Variants in NECAB3 observed in about 807,000 individuals in gnomAD.
NECAB3 encodes the protein N-terminal EF-hand calcium-binding protein 3.
Under a neutral mutation model 57.2 loss-of-function variants are expected in NECAB3, and 38 were observed. That is an observed-to-expected ratio of 0.66 (90% CI 0.51 to 0.87). The LOEUF is 0.87. NECAB3 is among the 40% of genes least tolerant of loss of function. The probability of loss-of-function intolerance (pLI) is 0.00; values close to 1 mark genes in which losing one functional copy is unlikely to be tolerated. For missense variants in NECAB3, 474 were observed against 527.5 expected (o/e 0.90, Z 0.99); for synonymous variants, 223 against 222.6 (o/e 1.00, Z -0.02).
At chr20:33,668,209 A>G (rs1413370291) in intron 5 of NECAB3, 9 of 1,602,966 alleles carry the variant, frequency 5.6e-6, no homozygotes, top group Non-Finnish European at 7.7e-6. Context: ...GTGTGGCTCC[A>G]GGCTGCTGTA....
At chr20:33,659,366 T>C (rs1033346611) in intron 8 of NECAB3, 131 bp downstream of exon 8, 1 of 765,840 alleles carries the variant, frequency 1.3e-6, no homozygotes, top group South Asian at 2.5e-5. Flanking sequence ...ACCCGGCACC[T>C]GCTTGCCAGG....
At chr20:33,674,569 G>A (rs908641130), upstream of NECAB3, 5 of 241,646 alleles carry the variant, frequency 2.1e-5, no homozygotes, top group Non-Finnish European at 3.4e-5. Context: ...CGGAGGGGGA[G>A]GCGCCCGAGG....
Position 33,657,850 on chromosome 20 carries a change from C to T in NECAB3, c.1170G>A (p.Trp390Ter). The T allele has an allele frequency of 1.3e-6, 2 of 1,542,106 alleles. No homozygotes were observed. The highest frequency in any genetic ancestry group is 1.8e-6 in the Non-Finnish European group (2 of 1,141,700). ...TLTTVFFPAS[W>*]WIMNNN The stretch of plus-strand genomic sequence containing the variant: ...TGGCTCAGTTGTTATTCATTATCCA[C>T]CAGGAGGCTGGGGGTCAGAGGCAGG... Residue 390 changes from tryptophan (W) to a stop codon, truncating the protein, a stop_gained, in exon 12 of 12, where the codon TGG becomes TGA. Coordinates refer to ENST00000246190, the MANE Select transcript of NECAB3 (RefSeq NM_031232.4). LOFTEE classifies it high-confidence loss of function.
chr20:33,668,448 A>G (rs1257584632), intron 5 of NECAB3: 1 of 597,962 alleles, frequency 1.7e-6, no homozygotes. Flanking sequence ...GCCAGTTCAG[A>G]GAATGCCAGT....
intron 5 of NECAB3, chr20:33,667,701 G>A: frequency 6.2e-7 from 1 of 1,612,070 alleles, no homozygotes; most frequent in African/African-American, 1.3e-5. Flanking sequence ...CTGACCTCTT[G>A]CAGCAGGCCC....
chr20:33,668,570 C>G (rs1425701800), intron 5 of NECAB3: 1 of 256,322 alleles, frequency 3.9e-6, no homozygotes, highest in African/African-American at 2.2e-5. Flanking sequence ...ACCATTTGGA[C>G]ATACATCCGA....
At chr20:33,673,940 A>G (rs2017890012) in intron 1 of NECAB3, among the ~76,000 whole-genome samples, 1 of 151,898 alleles carries the variant, frequency 6.6e-6, no homozygotes, top group African/African-American at 2.4e-5. Context: ...GAGTGGGGTG[A>G]CCGCTGCTGT....
rs2017313843 is a variant in NECAB3, at chr20:33,657,167, C to A, written c.*662G>T. 1.3e-5 allele frequency: 2 copies of A among 152,666 alleles called. No homozygotes were observed. Among genetic ancestry groups the A allele is most frequent in the South Asian group, 4.1e-4 (2 of 4,826 alleles). The allele number at this position is 152,666 out of a possible 1,614,324, so 9.5% of individuals were successfully genotyped here. On this transcript the variant is annotated 3_prime_UTR_variant, in exon 12 of 12. Coordinates refer to ENST00000246190, the MANE Select transcript of NECAB3 (RefSeq NM_031232.4). ...GAGGCCTCTGGGGGCAATAGGTGAC[C>A]CTGGACCCAAATTATTGCTACTTGG...
chr20:33,674,508 C>A, upstream of NECAB3: 2 of 681,378 alleles, frequency 2.9e-6, no homozygotes, highest in South Asian at 1.3e-4. Flanking sequence ...GGTTCCCTCG[C>A]CTCAAGGTCC....
At chr20:33,675,215 T>C (rs943765129), upstream of NECAB3, 1 of 153,566 alleles carries the variant, frequency 6.5e-6, no homozygotes, top group African/African-American at 2.4e-5. Flanking sequence ...GCACCACCCA[T>C]TCCAGAACGC....
chr20:33,663,726 G>C, intron 5 of NECAB3: 1 of 1,534,590 alleles, frequency 6.5e-7, no homozygotes, highest in African/African-American at 1.4e-5. Flanking sequence ...CGCGGCGGCC[G>C]GAAGAGGGCG....
chr20:33,673,832 G>A lies in NECAB3; in HGVS notation c.129+392C>T, dbSNP rs561393475. The stretch of plus-strand genomic sequence containing the variant: ...TAGGACTCTGCTGCCCTGGAGTGGG[G>A]CCTGAAGAACTCTGGGGGCGGCACT... On this transcript the variant is annotated intron_variant, in intron 1 of 11. Transcript: ENST00000246190. 2.6e-4 allele frequency among the ~76,000 whole-genome samples: 40 copies of A among 152,296 alleles called. No individual in the cohort carries two copies. The East Asian group carries it at 7.6e-3, about 29-fold the overall frequency.
At position 33,670,781 on chromosome 20, in the gene NECAB3, G is replaced by A. The variant is rs754141036; in HGVS notation, c.166C>T (p.Leu56Phe). Residue 56 changes from leucine to phenylalanine, a missense_variant, in exon 3 of 12, where the codon CTC (leucine) becomes TTC (phenylalanine). Transcript: ENST00000246190. ...RRADKNDDGKLSFEEFQNYFA... is the reference protein window; with the variant it reads ...RRADKNDDGKFSFEEFQNYFA... ...TAATTCTGGAATTCCTCAAATGAGAGCTTCCCATCATCTGGGGTGGCAGGG... is the reference window on the plus strand; with the variant it reads ...TAATTCTGGAATTCCTCAAATGAGAACTTCCCATCATCTGGGGTGGCAGGG... The A allele has an allele frequency of 1.9e-6, 3 of 1,613,792 alleles. No homozygotes were observed. Among genetic ancestry groups the A allele is most frequent in the Non-Finnish European group, 2.5e-6 (3 of 1,179,732 alleles).
chr20:33,662,428 G>A (rs953438760), intron 5 of NECAB3: 3 of 1,551,726 alleles, frequency 1.9e-6, no homozygotes, highest in Non-Finnish European at 2.6e-6. Flanking sequence ...GACAAGGCCT[G>A]GTGGAAATCG....
At chr20:33,669,763 A>T (rs1489315346) in intron 3 of NECAB3, 51 bp from the exon 4 acceptor site, 1 of 1,535,464 alleles carries the variant, frequency 6.5e-7, no homozygotes, top group Non-Finnish European at 8.7e-7. Flanking sequence ...GTAAACTGGG[A>T]CTAATGGGGC....
intron 5 of NECAB3, chr20:33,667,264 G>C: frequency 2.2e-6 from 1 of 446,564 alleles, no homozygotes. Context: ...GCTGCCCGGA[G>C]CGCCGGGCTG....
chr20:33,674,735 C>T (rs1020022565), upstream of NECAB3: 3 of 152,494 alleles, frequency 2.0e-5, no homozygotes, highest in Admixed American at 2.0e-4. Flanking sequence ...TCCTCATCTA[C>T]AAAAATGGTA....
rs3746460 is a variant in NECAB3 at position 33,660,357 on chromosome 20, C to T, written c.426G>A (p.Thr142=). The T allele has an allele frequency of 0.3, 480,173 of 1,613,266 alleles. 72,249 individuals carry two copies. The highest frequency in any genetic ancestry group is 0.37 in the East Asian group (16,461 of 44,858). The change falls in exon 6 of 12, where the codon ACG becomes ACA. Residue 142 remains threonine, a synonymous_variant. Coordinates refer to ENST00000246190, the MANE Select transcript of NECAB3 (RefSeq NM_031232.4). The surrounding 1 kb of genome is among the most constrained non-coding windows in gnomAD (Gnocchi z 4.1). The part of the protein sequence containing the change: ...ERASKVDQFV[T]RFLLRETVSQ... ...TCACCGTCTCCCGCAGCAGGAAGCGCGTCACAAACTGGTCCACTTTGGAGG... is the reference window on the plus strand; with the variant it reads ...TCACCGTCTCCCGCAGCAGGAAGCGTGTCACAAACTGGTCCACTTTGGAGG...
chr20:33,658,129 A>G (rs1206325635), intron 10 of NECAB3, 96 bp from the exon 11 acceptor site: 7 of 1,104,018 alleles, frequency 6.3e-6, no homozygotes, highest in Admixed American at 2.2e-5. Flanking sequence ...CTGCCTCTGG[A>G]GCCTCAGTCC....
Sources: gnomAD v4.1 joint callset for allele counts (sites outside exome capture counted in the v4.1 genomes callset) on GRCh38, gnomAD v4.1.1 for gene constraint, Gnocchi (gnomAD v3.1) non-coding constraint, MANE v1.5 for transcripts, NCBI Gene and HGNC (gene_info 2026-07-23, HGNC 2026-07-21) for gene names.